NPHP1: variants seen among roughly 807,000 people sequenced by gnomAD.
NPHP1 encodes nephrocystin-1.
A neutral mutation model predicts 90.4 loss-of-function variants in NPHP1; 70 were observed. The observed-to-expected ratio is 0.77, with a 90% CI of 0.64 to 0.95. The LOEUF (loss-of-function observed/expected upper bound fraction) is 0.95. Ranked by LOEUF, NPHP1 falls within the 40% of genes least tolerant of loss-of-function variation. The pLI, the probability that NPHP1 is intolerant of heterozygous loss-of-function variation, is 0.00. For synonymous variants in NPHP1, 256 were observed against 271.7 expected (o/e 0.94, Z 0.57); for missense variants, 764 against 795.9 (o/e 0.96, Z 0.48).
chr2:110,203,844 G>A (rs1319460834), intron 1 of NPHP1, among the ~76,000 whole-genome samples: 2 of 150,698 alleles, frequency 1.3e-5, no homozygotes, highest in Non-Finnish European at 3.0e-5. Context: ...ATGTTGCCCA[G>A]GCTAGTCTCG....
chr2:110,129,411 G>A (rs1284585928), intron 17 of NPHP1, 152 bp from the exon 18 acceptor site: 2 of 719,282 alleles, frequency 2.8e-6, no homozygotes, highest in East Asian at 5.4e-5. Flanking sequence ...AGAGCTCAAA[G>A]CTGTCCCTTC....
chr2:110,162,075 T>C (rs1156998675), intron 9 of NPHP1, among the ~76,000 whole-genome samples: 1 of 152,140 alleles, frequency 6.6e-6, no homozygotes, highest in Non-Finnish European at 1.5e-5. Flanking sequence ...TTTTATGCTC[T>C]TCCTCCATGC....
intron 11 of NPHP1, 67 bp from the exon 12 acceptor site, chr2:110,150,323 C>T (rs1401598774): frequency 2.1e-6 from 3 of 1,459,338 alleles, no homozygotes; most frequent in Non-Finnish European, 2.9e-6. Context: ...TTTCCATGTC[C>T]CAAAGAGTTA....
intron 2 of NPHP1, among the ~76,000 whole-genome samples, chr2:110,191,159 CAGTGGGTGCAGGAA>C (rs1445040450): frequency 1.3e-5 from 2 of 152,110 alleles, no homozygotes; most frequent in African/African-American, 4.8e-5. Flanking sequence ...GACTATCAGA[CAGTGGGTGCAGGAA>C]AGTGGGTGCA....
intron 14 of NPHP1, 147 bp from the exon 15 acceptor site, chr2:110,144,716 C>T: frequency 1.5e-6 from 1 of 655,282 alleles, no homozygotes; most frequent in Non-Finnish European, 2.8e-6. Context: ...TTGTTGATCC[C>T]TCCATGAGGT....
chr2:110,173,611 A>G (rs1293743108), intron 4 of NPHP1, among the ~76,000 whole-genome samples: 3 of 152,216 alleles, frequency 2.0e-5, no homozygotes, highest in Admixed American at 1.3e-4. Context: ...TGTGTACAGT[A>G]TTCAGCACAG....
chr2:110,154,227 G>T (rs777771308), intron 11 of NPHP1, among the ~76,000 whole-genome samples: 2 of 152,146 alleles, frequency 1.3e-5, no homozygotes, highest in Admixed American at 6.5e-5. Flanking sequence ...TCTCTTGTCT[G>T]CCACCATTTG....
chr2:110,200,511 C>G (rs964087884), intron 2 of NPHP1, among the ~76,000 whole-genome samples: 1 of 151,836 alleles, frequency 6.6e-6, no homozygotes, highest in Admixed American at 6.6e-5. Context: ...TGCAATGAGC[C>G]GAGATTGCGC....
At chr2:110,201,540 C>G in intron 1 of NPHP1, 46 bp from the exon 2 acceptor site, 1 of 1,337,480 alleles carries the variant, frequency 7.5e-7, no homozygotes, top group Non-Finnish European at 1.1e-6. Flanking sequence ...ACCATATCGC[C>G]TTAGGAAAGA....
In NPHP1 at chr2:110,143,637, G is replaced by A. The variant is rs148809478; in HGVS notation, c.1434C>T (p.His478=). The A allele has an allele frequency of 2.9e-5, 47 of 1,610,048 alleles. No homozygotes were observed. The highest frequency in any genetic ancestry group is 8.9e-5 in the East Asian group (4 of 44,860). ...EVDPSISRRA[H]GSVFYQIMTM... ...TCATAATCTGGTAGAAAACACTGCCGTGTGCTTTTAAGAAAAATCAAAAGT... is the reference window on the plus strand; with the variant it reads ...TCATAATCTGGTAGAAAACACTGCCATGTGCTTTTAAGAAAAATCAAAAGT... Residue 478 remains histidine (H), a synonymous_variant, in exon 16 of 20, where the codon CAC becomes CAT. Transcript: ENST00000445609.
intron 6 of NPHP1, among the ~76,000 whole-genome samples, chr2:110,166,291 C>G (rs1041061840): frequency 6.6e-6 from 1 of 152,192 alleles, no homozygotes; most frequent in Non-Finnish European, 1.5e-5. Flanking sequence ...AAGATGCACG[C>G]AGGCTTGATG....
At chr2:110,180,641 CT>C (rs1683830672) in intron 2 of NPHP1, among the ~76,000 whole-genome samples, 1 of 152,036 alleles carries the variant, frequency 6.6e-6, no homozygotes, top group Non-Finnish European at 1.5e-5. Context: ...CACATTGAGA[CT>C]GACAAGGCAA....
At chr2:110,183,276 C>T (rs1471747636) in intron 2 of NPHP1, among the ~76,000 whole-genome samples, 1 of 152,140 alleles carries the variant, frequency 6.6e-6, no homozygotes, top group Non-Finnish European at 1.5e-5. Context: ...GAAAGGAACA[C>T]CTGGCCCACC....
chr2:110,181,349 A>G (rs1683893424), intron 2 of NPHP1, among the ~76,000 whole-genome samples: 1 of 152,162 alleles, frequency 6.6e-6, no homozygotes, highest in African/African-American at 2.4e-5. Flanking sequence ...AGACCTCCCA[A>G]AAGGGGTTTC....
intron 2 of NPHP1, among the ~76,000 whole-genome samples, chr2:110,192,481 A>G (rs1684825902): frequency 6.6e-6 from 1 of 152,180 alleles, no homozygotes; most frequent in Non-Finnish European, 1.5e-5. Context: ...GAAACAAACA[A>G]AGCCTCCAAG....
intron 17 of NPHP1, among the ~76,000 whole-genome samples, chr2:110,129,649 G>C (rs1006746519): frequency 2.6e-5 from 4 of 152,172 alleles, no homozygotes; most frequent in African/African-American, 4.8e-5. Flanking sequence ...GGAAGCATTG[G>C]GGGGAAAGGA....
chr2:110,159,853 T>C (rs918204634), intron 11 of NPHP1, among the ~76,000 whole-genome samples: 1 of 152,108 alleles, frequency 6.6e-6, no homozygotes, highest in Non-Finnish European at 1.5e-5. Flanking sequence ...CTCTTCTTTT[T>C]CTAGCCTCTT....
At chr2:110,199,041 G>A (rs1685378783) in intron 2 of NPHP1, among the ~76,000 whole-genome samples, 1 of 152,002 alleles carries the variant, frequency 6.6e-6, no homozygotes, top group Admixed American at 6.5e-5. Context: ...AAGCCTCCTA[G>A]TCATGGAAGT....
intron 2 of NPHP1, among the ~76,000 whole-genome samples, chr2:110,193,222 A>G (rs1009179903): frequency 3.9e-5 from 6 of 152,166 alleles, no homozygotes; most frequent in Non-Finnish European, 7.4e-5. Flanking sequence ...AAATTGGATA[A>G]AGAGTCAAGG....
Sources: allele counts gnomAD v4.1 joint callset (sites outside exome capture counted in the v4.1 genomes callset), GRCh38; gene constraint gnomAD v4.1.1; transcripts MANE v1.5; gene names NCBI Gene and HGNC (gene_info 2026-07-23, HGNC 2026-07-21).